Variants in SH3PXD2A observed in about 807,000 individuals in gnomAD.
SH3PXD2A encodes SH3 and PX domain-containing protein 2A.
SH3PXD2A carries 32 observed loss-of-function variants against 115.2 expected under a neutral mutation model. The observed-to-expected ratio is 0.28, with a 90% CI of 0.21 to 0.37. The LOEUF (loss-of-function observed/expected upper bound fraction) is 0.37. SH3PXD2A is among the 10% of genes least tolerant of loss of function. The probability of loss-of-function intolerance (pLI) is 1.00; values close to 1 mark genes in which losing one functional copy is unlikely to be tolerated. For synonymous variants in SH3PXD2A, 610 were observed against 629.1 expected, an observed-to-expected ratio of 0.97 and a Z score of 0.45; for missense variants, 1,328 against 1,498.7, an observed-to-expected ratio of 0.89 and a Z score of 1.88.
intron 3 of SH3PXD2A, among the ~76,000 whole-genome samples, chr10:103,747,802 T>C (rs180865301): frequency 1.9e-3 from 288 of 151,838 alleles, no homozygotes; most frequent in Non-Finnish European, 3.3e-3. Flanking sequence ...CCTGCTTTCA[T>C]TTTATTTATT....
chr10:103,804,456 G>C (rs1402750294), intron 1 of SH3PXD2A, among the ~76,000 whole-genome samples: 1 of 151,492 alleles, frequency 6.6e-6, no homozygotes, highest in Non-Finnish European at 1.5e-5. Flanking sequence ...CAAGTAGCTG[G>C]GACTGCAGGC....
intron 5 of SH3PXD2A, among the ~76,000 whole-genome samples, chr10:103,702,569 A>C (rs2037927922): frequency 1.0e-5 from 1 of 100,236 alleles, no homozygotes; most frequent in Non-Finnish European, 2.1e-5. Context: ...GTGCAGGGGC[A>C]GGAACAGATG....
At chr10:103,612,491 T>C (rs899736842) in intron 12 of SH3PXD2A, among the ~76,000 whole-genome samples, 3 of 152,202 alleles carry the variant, frequency 2.0e-5, no homozygotes, top group Non-Finnish European at 4.4e-5. Context: ...ACACATCATC[T>C]ATCTTGATTT....
chr10:103,634,100 C>T (rs1330808214), intron 8 of SH3PXD2A, among the ~76,000 whole-genome samples: 1 of 152,202 alleles, frequency 6.6e-6, no homozygotes, highest in Non-Finnish European at 1.5e-5. Context: ...GCCTGCTCCG[C>T]CCCCGGGAGC....
At chr10:103,656,209 C>T (rs1009177505) in intron 8 of SH3PXD2A, among the ~76,000 whole-genome samples, 3 of 152,204 alleles carry the variant, frequency 2.0e-5, no homozygotes, top group Non-Finnish European at 4.4e-5. Flanking sequence ...AAAACCTACC[C>T]ACCAACAGCC....
At chr10:103,611,283 G>A (rs1379332220) in intron 13 of SH3PXD2A, among the ~76,000 whole-genome samples, 2 of 152,226 alleles carry the variant, frequency 1.3e-5, no homozygotes, top group Admixed American at 6.5e-5. Context: ...GCCCTGGCTG[G>A]ACACTTTTGC....
chr10:103,762,014 CTTTTTTTTTTTTTTT>C (rs79615908), intron 3 of SH3PXD2A, among the ~76,000 whole-genome samples: 2 of 90,700 alleles, frequency 2.2e-5, no homozygotes, highest in Non-Finnish European at 2.3e-5. Flanking sequence ...ATCAACACGT[CTTTTTTTTTTTTTTT>C]TTTTTTTTTT....
chr10:103,829,290 G>A (rs75163097), intron 1 of SH3PXD2A, among the ~76,000 whole-genome samples: 2,015 of 152,242 alleles, frequency 0.013, 34 homozygotes, highest in Non-Finnish European at 0.018. Flanking sequence ...CCACTTCTGG[G>A]AGGCACGCAG....
In SH3PXD2A at chr10:103,718,791, A is replaced by G. The variant is rs539614358; in HGVS notation, c.398+5479T>C. Among the ~76,000 whole-genome samples the G allele has an allele frequency of 4.4e-3, 658 of 150,018 alleles. 9 individuals carry two copies. The highest frequency in any genetic ancestry group is 0.015 in the African/African-American group (593 of 40,218). ...CACACACACACACACACACACACAC[A>G]CACACACGCACATACACCCCTATTC... On this transcript the variant is annotated intron_variant, in intron 5 of 14. Transcript: ENST00000369774.
chr10:103,621,375 C>T (rs1381338883), intron 10 of SH3PXD2A, among the ~76,000 whole-genome samples: 1 of 152,186 alleles, frequency 6.6e-6, no homozygotes, highest in Non-Finnish European at 1.5e-5. Context: ...CAGGGTCCAG[C>T]CCAGGCTGTG....
At chr10:103,833,573 A>C (rs1793093666) in intron 1 of SH3PXD2A, among the ~76,000 whole-genome samples, 1 of 152,206 alleles carries the variant, frequency 6.6e-6, no homozygotes, top group Non-Finnish European at 1.5e-5. Context: ...TTAACAGAGG[A>C]ATCTTTTTTT....
chr10:103,729,363 A>C (rs1042632019), intron 4 of SH3PXD2A, among the ~76,000 whole-genome samples: 2 of 152,230 alleles, frequency 1.3e-5, no homozygotes, highest in Admixed American at 6.5e-5. Flanking sequence ...CAGGTTCAAG[A>C]CATTCTGAAG....
intron 8 of SH3PXD2A, among the ~76,000 whole-genome samples, chr10:103,653,427 G>C (rs544296742): frequency 8.3e-4 from 126 of 152,352 alleles, no homozygotes; most frequent in African/African-American, 3.0e-3. Context: ...AGCAGTGGTT[G>C]TCACTCTGGC....
At chr10:103,730,862 A>C (rs367711625) in intron 4 of SH3PXD2A, among the ~76,000 whole-genome samples, 112 of 152,304 alleles carry the variant, frequency 7.4e-4, no homozygotes, top group African/African-American at 1.2e-3. Flanking sequence ...GGGTGGGCGC[A>C]GTCCTCTGGG....
intron 4 of SH3PXD2A, among the ~76,000 whole-genome samples, chr10:103,732,060 C>T (rs1034313672): frequency 1.3e-5 from 2 of 152,132 alleles, no homozygotes; most frequent in African/African-American, 2.4e-5. Context: ...AAATTCTAGT[C>T]GTACCAACCA....
rs571506362 is a variant in SH3PXD2A at position 103,653,390 on chromosome 10, T to TATTG, written c.604+7589_604+7592dup. ...GTCCCCCAAAGGGAAGGCGGCCAGGTATTGCCCTGAGGCTACAACTCGGGT... is the reference window on the plus strand; with the variant it reads ...GTCCCCCAAAGGGAAGGCGGCCAGGTATTGATTGCCCTGAGGCTACAACTCGGGT... On this transcript the variant is annotated intron_variant, in intron 8 of 14. Coordinates refer to ENST00000369774, the MANE Select transcript of SH3PXD2A (RefSeq NM_001394015.1). Among the ~76,000 whole-genome samples, 564 of 152,300 alleles carry TATTG rather than the reference T, an allele frequency of 3.7e-3. 1 individual carries two copies. Among genetic ancestry groups the TATTG allele is most frequent in the Non-Finnish European group, 6.4e-3 (437 of 68,026 alleles).
At chr10:103,743,999 G>A (rs184778592) in intron 3 of SH3PXD2A, among the ~76,000 whole-genome samples, 1 of 152,138 alleles carries the variant, frequency 6.6e-6, no homozygotes, top group South Asian at 2.1e-4. Context: ...GGAGAAGAAC[G>A]GCGGAACAGC....
At chr10:103,663,025 G>C (rs541854847) in intron 7 of SH3PXD2A, among the ~76,000 whole-genome samples, 68 of 152,158 alleles carry the variant, frequency 4.5e-4, no homozygotes, top group African/African-American at 1.5e-3. Context: ...GGCTGGTCTT[G>C]AACTCCTGGG....
At chr10:103,679,076 G>A (rs554480565) in intron 6 of SH3PXD2A, among the ~76,000 whole-genome samples, 1 of 152,286 alleles carries the variant, frequency 6.6e-6, no homozygotes. Context: ...TCTTCACCCA[G>A]CTGACCCATT....
Sources: gnomAD v4.1 joint callset for allele counts (sites outside exome capture counted in the v4.1 genomes callset) on GRCh38, gnomAD v4.1.1 for gene constraint, MANE v1.5 for transcripts, NCBI Gene and HGNC (gene_info 2026-07-23, HGNC 2026-07-21) for gene names.